Variants in OPTN observed in about 807,000 individuals in gnomAD.
The protein encoded by OPTN is optineurin.
In OPTN, 54 loss-of-function variants were observed where a neutral mutation model predicts 70.4. The ratio of observed to expected loss-of-function variants is 0.77; its 90% CI spans 0.62 to 0.96. OPTN has a LOEUF of 0.96. Among genes scored for constraint, OPTN ranks in the 40% least tolerant of loss-of-function variants. OPTN has a pLI of 0.00. For synonymous variants in OPTN, 256 were observed against 248.5 expected, an observed-to-expected ratio of 1.03 and a Z score of -0.28; for missense variants, 624 against 673.2, an observed-to-expected ratio of 0.93 and a Z score of 0.81.
intron 14 of OPTN, 150 bp downstream of exon 14, chr10:13,133,731 A>G: frequency 4.1e-6 from 3 of 726,690 alleles, no homozygotes; most frequent in Non-Finnish European, 4.9e-6. Context: ...CAGCACTCCC[A>G]TCTCCATCCA....
Position 13,109,100 on chromosome 10 carries a change from A to T in OPTN, c.-11-12A>T, listed in dbSNP as rs988060272. On this transcript the variant is annotated splice_polypyrimidine_tract_variant and intron_variant, in intron 2 of 14. Transcript: ENST00000378747. ...GGGACAGCTCTATTTTCAACAGGTG[A>T]CTTTTCCACAGGAACTTCTGCAATG... is the stretch of plus-strand genomic sequence containing the variant. 3.7e-6 allele frequency: 6 copies of T among 1,613,400 alleles called. No individual in the cohort carries two copies. Among genetic ancestry groups the T allele is most frequent in the Middle Eastern group, 1.6e-4 (1 of 6,072 alleles).
intron 9 of OPTN, among the ~76,000 whole-genome samples, chr10:13,125,166 G>C (rs1461012591): frequency 1.3e-5 from 2 of 152,118 alleles, no homozygotes; most frequent in Non-Finnish European, 2.9e-5. Flanking sequence ...TGTATGACTA[G>C]TTTAAACAAT....
At chr10:13,126,515 C>T (rs1006905714) in intron 11 of OPTN, among the ~76,000 whole-genome samples, 2 of 152,026 alleles carry the variant, frequency 1.3e-5, no homozygotes, top group African/African-American at 2.4e-5. Context: ...CTCCTGACCT[C>T]GTGATCCACC....
chr10:13,114,865 A>T (rs1287849559), intron 5 of OPTN, among the ~76,000 whole-genome samples: 1 of 34,062 alleles, frequency 2.9e-5, no homozygotes, highest in African/African-American at 1.1e-4. Context: ...ATATTCTACA[A>T]TTATATAATT....
chr10:13,108,570 G>C lies in OPTN; in HGVS notation c.-12+281G>C, dbSNP rs571425742. On this transcript the variant is annotated intron_variant, in intron 2 of 14. Coordinates refer to ENST00000378747, the MANE Select transcript of OPTN (RefSeq NM_001008212.2). The stretch of plus-strand genomic sequence containing the variant: ...TTTTTTTTTTTTTTTGGTTTGAGAC[G>C]GAGTCTCGCTCTGTTGCCCAGGCTG... 2.4e-3 allele frequency among the ~76,000 whole-genome samples: 358 copies of C among 148,376 alleles called. 2 individuals carry two copies. Among genetic ancestry groups the C allele is most frequent in the Non-Finnish European group, 4.2e-3 (283 of 67,462 alleles).
At chr10:13,120,919 G>A (rs952497492) in intron 7 of OPTN, among the ~76,000 whole-genome samples, 2 of 152,160 alleles carry the variant, frequency 1.3e-5, no homozygotes, top group East Asian at 1.9e-4. Flanking sequence ...AAGCGAAGGG[G>A]AAGCAAGGCA....
rs574781497 is a variant in OPTN at position 13,137,374 on chromosome 10, A to G, written c.*508A>G. Reference sequence around the variant, plus strand: ...GAACACCTTTGGTGGAGTTCCATCAACTCGCAAAGTAGAATCCTTACCTAC... The same window carrying G: ...GAACACCTTTGGTGGAGTTCCATCAGCTCGCAAAGTAGAATCCTTACCTAC... On this transcript the variant is annotated 3_prime_UTR_variant, in exon 15 of 15. Coordinates refer to ENST00000378747, the MANE Select transcript of OPTN (RefSeq NM_001008212.2). 8.1e-6 allele frequency: 2 copies of G among 245,464 alleles called. No homozygotes were observed. Among genetic ancestry groups the G allele is most frequent in the Non-Finnish European group, 1.6e-5 (2 of 124,400 alleles). 15.2% of individuals were successfully genotyped at this position (245,464 alleles called of 1,614,324 possible). A position where few individuals can be genotyped will look rare whatever the true frequency, so the allele number is the denominator to read the frequency against.
chr10:13,112,418 A>G, intron 4 of OPTN, 35 bp from the exon 5 acceptor site: 2 of 1,603,298 alleles, frequency 1.2e-6, no homozygotes, highest in Non-Finnish European at 1.7e-6. Context: ...CCTTAGTTTG[A>G]TCTGTTCATT....
chr10:13,121,026 C>G (rs180820586), intron 7 of OPTN, among the ~76,000 whole-genome samples: 14 of 152,268 alleles, frequency 9.2e-5, no homozygotes, highest in South Asian at 4.2e-4. Flanking sequence ...CTCACTATCA[C>G]GAGAACAGCA....
intron 1 of OPTN, among the ~76,000 whole-genome samples, chr10:13,106,561 G>C (rs1832869070): frequency 6.6e-6 from 1 of 152,134 alleles, no homozygotes; most frequent in Admixed American, 6.5e-5. Context: ...GCCCCTCTTG[G>C]TACTAGCTCT....
In OPTN at chr10:13,137,106, C is replaced by G; in HGVS notation, c.*240C>G. On this transcript the variant is annotated 3_prime_UTR_variant, in exon 15 of 15. Coordinates refer to ENST00000378747, the MANE Select transcript of OPTN (RefSeq NM_001008212.2). Reference sequence around the variant, plus strand: ...CCAGCCTGGCCAACATGGCGGAACCCTGTCTCTACCAAAATTACAAAAATT... The same window carrying G: ...CCAGCCTGGCCAACATGGCGGAACCGTGTCTCTACCAAAATTACAAAAATT... 2.0e-6 allele frequency: 1 copy of G among 504,946 alleles called. No individual in the cohort carries two copies. The highest frequency in any genetic ancestry group is 2.0e-5 in the South Asian group (1 of 50,128). The allele number at this position is 504,946 out of a possible 1,614,324, so 31.3% of individuals were successfully genotyped here. A position where few individuals can be genotyped will look rare whatever the true frequency, so the allele number is the denominator to read the frequency against.
At chr10:13,116,798 C>T (rs770536486) in intron 6 of OPTN, among the ~76,000 whole-genome samples, 18 of 152,318 alleles carry the variant, frequency 1.2e-4, no homozygotes, top group Non-Finnish European at 2.1e-4. Flanking sequence ...GTAACAATGA[C>T]TGATAGCACT....
At chr10:13,116,860 G>A (rs947416504) in intron 6 of OPTN, among the ~76,000 whole-genome samples, 10 of 152,168 alleles carry the variant, frequency 6.6e-5, no homozygotes, top group Non-Finnish European at 1.2e-4. Context: ...TATCTGTGGA[G>A]TCTCAAGTGT....
At chr10:13,128,502 CTTTTTTTTTTTTT>C (rs56147136) in intron 12 of OPTN, among the ~76,000 whole-genome samples, 109 of 33,476 alleles carry the variant, frequency 3.3e-3, no homozygotes, top group Non-Finnish European at 5.4e-3. Context: ...TCAAGCCTGC[CTTTTTTTTTTTTT>C]TTTTTTTTTT....
At chr10:13,132,520 T>C (rs1833615465) in intron 13 of OPTN, among the ~76,000 whole-genome samples, 1 of 151,940 alleles carries the variant, frequency 6.6e-6, no homozygotes, top group South Asian at 2.1e-4. Context: ...TTGTGTTGTT[T>C]TGTTTTGTTT....
In OPTN at chr10:13,110,434, A is replaced by G. The variant is rs1832970427; in HGVS notation, c.327A>G (p.Glu109=). 6.2e-7 allele frequency: 1 copy of G among 1,614,136 alleles called. No homozygotes were observed. Among genetic ancestry groups the G allele is most frequent in the Non-Finnish European group, 8.5e-7 (1 of 1,179,984 alleles). Residue 109 remains glutamate (E), a synonymous_variant, in exon 4 of 15, where the codon GAA becomes GAG. Transcript: ENST00000378747. ...ALSHENEKLK[E]ELGKLKGKSE... is the part of the protein sequence containing the mutation. ...GTCATGAGAATGAGAAATTGAAGGA[A>G]GAGCTTGGAAAACTAAAAGGGAAAT...
intron 11 of OPTN, 89 bp from the exon 12 acceptor site, chr10:13,127,656 A>G: frequency 7.1e-7 from 1 of 1,401,406 alleles, no homozygotes; most frequent in East Asian, 2.5e-5. Flanking sequence ...CAGAGCTGAT[A>G]ATTAAAAAAA....
intron 14 of OPTN, among the ~76,000 whole-genome samples, chr10:13,136,188 C>T (rs950889585): frequency 4.7e-5 from 7 of 147,956 alleles, no homozygotes; most frequent in Admixed American, 2.7e-4. Flanking sequence ...CTCCATCTGT[C>T]AAGAAAAAAA....
intron 4 of OPTN, among the ~76,000 whole-genome samples, chr10:13,111,095 A>T (rs1202226499): frequency 2.0e-5 from 3 of 152,126 alleles, no homozygotes; most frequent in Admixed American, 2.0e-4. Flanking sequence ...TGAAATCCCC[A>T]CTGGGCGTGG....
Sources: gnomAD v4.1 joint callset for allele counts (sites outside exome capture counted in the v4.1 genomes callset) on GRCh38, gnomAD v4.1.1 for gene constraint, MANE v1.5 for transcripts, NCBI Gene and HGNC (gene_info 2026-07-23, HGNC 2026-07-21) for gene names.